The following JAK1 variants were observed in gnomAD, a reference collection of about 807,000 sequenced individuals.
JAK1 encodes the protein tyrosine-protein kinase JAK1.
JAK1 carries 16 observed loss-of-function variants against 136.6 expected under a neutral mutation model. That is an observed-to-expected ratio of 0.12 (90% CI 0.08 to 0.18). The LOEUF (loss-of-function observed/expected upper bound fraction) is 0.18, where lower values mean the gene tolerates loss of function less well. Ranked by LOEUF, JAK1 falls within the 10% of genes least tolerant of loss-of-function variation. JAK1 has a pLI of 1.00. For missense variants in JAK1, 859 were observed against 1,450.1 expected (o/e 0.59, Z 6.62); for synonymous variants, 492 against 519.5 (o/e 0.95, Z 0.72).
intron 1 of JAK1, among the ~76,000 whole-genome samples, chr1:64,945,404 A>G (rs897663162): frequency 1.3e-5 from 2 of 152,218 alleles, no homozygotes; most frequent in African/African-American, 4.8e-5. Flanking sequence ...AGCACTATTT[A>G]TAACAGCAAA....
intron 12 of JAK1, 38 bp from the exon 13 acceptor site, chr1:64,847,713 G>A (rs1290884739): frequency 1.2e-6 from 2 of 1,605,908 alleles, no homozygotes; most frequent in Admixed American, 1.7e-5. Context: ...ACCTCTCTGT[G>A]CCCTGAAGTG....
intron 1 of JAK1, among the ~76,000 whole-genome samples, chr1:64,949,002 C>T (rs1646035417): frequency 6.6e-6 from 1 of 152,212 alleles, no homozygotes; most frequent in South Asian, 2.1e-4. Flanking sequence ...GAAACAAAAA[C>T]GGTCAGAAGG....
chr1:64,844,157 C>T lies in JAK1; in HGVS notation c.2310G>A (p.Leu770=). ...APECVEDSKN[L]SVAADKWSFG... ...AGCTCCACTTGTCAGCAGCCACACTCAGGTTCTTGGAGTCCTCAACACACT... is the reference window on the plus strand; with the variant it reads ...AGCTCCACTTGTCAGCAGCCACACTTAGGTTCTTGGAGTCCTCAACACACT... The change falls in exon 17 of 25, where the codon CTG becomes CTA. Residue 770 remains leucine, a synonymous_variant. Coordinates refer to ENST00000342505, the MANE Select transcript of JAK1 (RefSeq NM_002227.4). The surrounding 1 kb of genome is among the most constrained non-coding windows in gnomAD (Gnocchi z 5.7). 2 of 1,614,234 alleles carry T rather than the reference C, an allele frequency of 1.2e-6. No individual in the cohort carries two copies. The highest frequency in any genetic ancestry group is 1.7e-6 in the Non-Finnish European group (2 of 1,180,042).
intron 5 of JAK1, among the ~76,000 whole-genome samples, chr1:64,872,841 T>C (rs1026842903): frequency 5.3e-5 from 8 of 152,242 alleles, no homozygotes; most frequent in Non-Finnish European, 1.2e-4. Flanking sequence ...ATTTGCATGT[T>C]AAAATCAGGA....
At chr1:65,008,973 A>G (rs1646826067) in intron 2 of JAK1, among the ~76,000 whole-genome samples, 1 of 152,210 alleles carries the variant, frequency 6.6e-6, no homozygotes, top group African/African-American at 2.4e-5. Flanking sequence ...GGCGTGAGCC[A>G]CTGCACATGG....
At chr1:65,011,121 G>A (rs1646845217) in intron 2 of JAK1, among the ~76,000 whole-genome samples, 1 of 152,040 alleles carries the variant, frequency 6.6e-6, no homozygotes, top group Non-Finnish European at 1.5e-5. Context: ...TTTGCCTGGG[G>A]GCAGTGTGTG....
At position 64,949,066 on chromosome 1, in the gene JAK1, T is replaced by G. The variant is rs1211632352; in HGVS notation, c.-78+17267A>C. Among the ~76,000 whole-genome samples the G allele has an allele frequency of 2.0e-5, 3 of 152,204 alleles. No homozygotes were observed. The East Asian group carries it at 5.8e-4, about 29-fold the overall frequency. On this transcript the variant is annotated intron_variant, in intron 1 of 24. Transcript: ENST00000342505. ...TGGAAGGAAAGGAAGGCTGTGACCA[T>G]GAGAGGCTCTTCATACCATGCTAAG...
intron 2 of JAK1, among the ~76,000 whole-genome samples, chr1:65,039,455 A>G (rs937602389): frequency 6.6e-6 from 1 of 152,214 alleles, no homozygotes; most frequent in East Asian, 1.9e-4. Flanking sequence ...TTTCTAGTTA[A>G]GAAACAGATT....
At chr1:64,930,964 C>T (rs560178546) in intron 1 of JAK1, among the ~76,000 whole-genome samples, 1 of 150,048 alleles carries the variant, frequency 6.7e-6, no homozygotes, top group South Asian at 2.1e-4. Flanking sequence ...CACATGGATG[C>T]AGGGAGGGGA....
At position 64,966,507 on chromosome 1, in the gene JAK1, TC is replaced by T. The variant is rs1393952924; in HGVS notation, c.-253del. The T allele has an allele frequency of 4.7e-5, 7 of 150,058 alleles. No individual in the cohort carries two copies. Among genetic ancestry groups the T allele is most frequent in the Middle Eastern group, 3.5e-3 (1 of 286 alleles). The allele number at this position is 150,058 out of a possible 1,614,324, so 9.3% of individuals were successfully genotyped here. A position where few individuals can be genotyped will look rare whatever the true frequency, so the allele number is the denominator to read the frequency against. On this transcript the variant is annotated 5_prime_UTR_variant, in exon 1 of 25. Coordinates refer to ENST00000342505, the MANE Select transcript of JAK1 (RefSeq NM_002227.4). ...GGCGCAGGCCCGCACTGTCTGCAGC[TC>T]CAGGATACTCCGCGGCCGCCGCGGC... is the stretch of plus-strand genomic sequence containing the variant.
intron 2 of JAK1, among the ~76,000 whole-genome samples, chr1:65,021,997 G>A (rs513857): frequency 0.064 from 9,773 of 152,142 alleles, 727 homozygotes; most frequent in East Asian, 0.39. Flanking sequence ...ATAACACAAC[G>A]TTAGACTGTG....
At chr1:64,953,054 T>TC (rs1646119479) in intron 1 of JAK1, among the ~76,000 whole-genome samples, 1 of 152,226 alleles carries the variant, frequency 6.6e-6, no homozygotes, top group Non-Finnish European at 1.5e-5. Flanking sequence ...TACTGATGTT[T>TC]CTGTAGTGGG....
At chr1:65,047,051 T>A (rs1647190657) in intron 1 of JAK1, among the ~76,000 whole-genome samples, 1 of 151,518 alleles carries the variant, frequency 6.6e-6, no homozygotes, top group Admixed American at 6.6e-5. Flanking sequence ...TAGCTAGGCA[T>A]CTTGGCACAT....
chr1:65,036,111 A>G (rs1354654916), intron 2 of JAK1, among the ~76,000 whole-genome samples: 1 of 152,048 alleles, frequency 6.6e-6, no homozygotes, highest in Non-Finnish European at 1.5e-5. Context: ...TGAAAAAGTT[A>G]TTGGGATGGA....
At chr1:64,901,092 G>C (rs1645098644) in intron 1 of JAK1, among the ~76,000 whole-genome samples, 1 of 152,172 alleles carries the variant, frequency 6.6e-6, no homozygotes, top group South Asian at 2.1e-4. Flanking sequence ...TGAGCACCCT[G>C]AGGGCAGGGA....
intron 2 of JAK1, among the ~76,000 whole-genome samples, chr1:65,031,843 A>T (rs1349334875): frequency 6.6e-6 from 1 of 152,192 alleles, no homozygotes; most frequent in Non-Finnish European, 1.5e-5. Context: ...TTCTGGGTTA[A>T]GGGCACACAG....
chr1:65,024,527 TA>T (rs1646961530), intron 2 of JAK1, among the ~76,000 whole-genome samples: 1 of 152,062 alleles, frequency 6.6e-6, no homozygotes, highest in Admixed American at 6.6e-5. Flanking sequence ...TTGTAACAGG[TA>T]AGCCTCTTGC....
rs756546990 is a variant in JAK1, at chr1:64,864,859, G to A, written c.1104C>T (p.Tyr368=). Residue 368 remains tyrosine, a synonymous_variant, in exon 8 of 25, where the codon TAC becomes TAT. Transcript: ENST00000342505. ...TTACAATGTGAGTGATTTCAGGGAA[G>A]TAAGAAAAATTGTTCCACTCTTCCC... ...KIREEWNNFS[Y]FPEITHIVIK... is the part of the protein sequence containing the mutation. 4 of 1,613,858 alleles carry A rather than the reference G, an allele frequency of 2.5e-6. No homozygotes were observed. The highest frequency in any genetic ancestry group is 3.4e-6 in the Non-Finnish European group (4 of 1,179,762).
intron 17 of JAK1, 127 bp downstream of exon 17, chr1:64,843,937 G>A: frequency 1.0e-6 from 1 of 996,226 alleles, no homozygotes; most frequent in Non-Finnish European, 1.5e-6. Flanking sequence ...ACACCCAGTA[G>A]GCCCGTGAAG....
Sources: allele counts gnomAD v4.1 joint callset (sites outside exome capture counted in the v4.1 genomes callset), GRCh38; gene constraint gnomAD v4.1.1; non-coding constraint Gnocchi (gnomAD v3.1); transcripts MANE v1.5; gene names NCBI Gene and HGNC (gene_info 2026-07-23, HGNC 2026-07-21).